AFAP1L2: variants seen among roughly 807,000 people sequenced by gnomAD.
AFAP1L2 encodes the protein actin filament associated protein 1 like 2.
AFAP1L2 carries 46 observed loss-of-function variants against 99.3 expected under a neutral mutation model. The ratio of observed to expected loss-of-function variants is 0.46; its 90% CI spans 0.37 to 0.59. The LOEUF is 0.59. Among genes scored for constraint, AFAP1L2 ranks in the 20% least tolerant of loss-of-function variants. AFAP1L2 has a pLI of 0.00. For synonymous variants in AFAP1L2, 397 were observed against 419.1 expected (o/e 0.95, Z 0.64); for missense variants, 959 against 1,034.9 (o/e 0.93, Z 1.01).
the AFAP1L2 span, chr10:114,285,891 T>A: frequency 6.6e-7 from 1 of 1,519,784 alleles, no homozygotes; most frequent in East Asian, 2.3e-5. Context: ...ACAGCTCGCA[T>A]GCCGCATGAC....
At position 114,295,016 on chromosome 10, in the gene AFAP1L2, TAAAAAA is replaced by T. The variant is rs10627231; in HGVS notation, c.*1020_*1025del. 5.7e-6 allele frequency: 5 copies of T among 884,454 alleles called. No homozygotes were observed. The highest frequency in any genetic ancestry group is 5.3e-5 in the South Asian group (1 of 18,958). 54.8% of individuals were successfully genotyped at this position (884,454 alleles called of 1,614,324 possible). A position where few individuals can be genotyped will look rare whatever the true frequency, so the allele number is the denominator to read the frequency against. ...ATAGATGAAATGTTTCAACCTGTGT[TAAAAAA>T]AAAAAAAAAAAAATGCCATCAGAGG... On this transcript the variant is annotated 3_prime_UTR_variant, in exon 19 of 19. Coordinates refer to ENST00000304129, the MANE Select transcript of AFAP1L2 (RefSeq NM_001001936.3).
intron 1 of AFAP1L2, chr10:114,393,613 G>A (rs1448027169): frequency 1.3e-5 from 2 of 152,212 alleles, no homozygotes; most frequent in African/African-American, 4.8e-5. Flanking sequence ...GGTGGAATGG[G>A]AGAGTGAGTC....
At position 114,300,606 on chromosome 10, in the gene AFAP1L2, C is replaced by A; in HGVS notation, c.1627G>T (p.Val543Phe). ...CTGGGGCCATGCAGAAAGGACTTGA[C>A]AGGTGTGAGGTCCAGGTACACTCGG... ...SDRVYLDLTP[V>F]KSFLHGPSSA... Residue 543 changes from valine to phenylalanine, a missense_variant, in exon 14 of 19, where the codon GTC becomes TTC. Coordinates refer to ENST00000304129, the MANE Select transcript of AFAP1L2 (RefSeq NM_001001936.3). The A allele has an allele frequency of 6.2e-7, 1 of 1,614,150 alleles. No homozygotes were observed. The highest frequency in any genetic ancestry group is 8.5e-7 in the Non-Finnish European group (1 of 1,180,014).
intron 4 of AFAP1L2, among the ~76,000 whole-genome samples, chr10:114,329,986 G>A (rs2046993890): frequency 6.6e-6 from 1 of 152,138 alleles, no homozygotes; most frequent in African/African-American, 2.4e-5. Context: ...TGGGGTTGAG[G>A]CTCAGGGTGT....
the AFAP1L2 span, among the ~76,000 whole-genome samples, chr10:114,287,183 G>A: frequency 4.6e-5 from 7 of 152,252 alleles, no homozygotes; most frequent in Middle Eastern, 3.4e-3. Flanking sequence ...GCTGAAACAC[G>A]TCTTTTTTTT....
intron 5 of AFAP1L2, among the ~76,000 whole-genome samples, chr10:114,317,148 T>C (rs1234472849): frequency 6.6e-6 from 1 of 152,224 alleles, no homozygotes; most frequent in African/African-American, 2.4e-5. Flanking sequence ...TTGTCGATTT[T>C]ACTAAGAAGC....
intron 2 of AFAP1L2, among the ~76,000 whole-genome samples, chr10:114,335,358 A>T (rs549805422): frequency 4.2e-4 from 64 of 152,158 alleles, no homozygotes; most frequent in Non-Finnish European, 8.4e-4. Flanking sequence ...CACATCTGTA[A>T]TCCCAGCACT....
chr10:114,300,204 C>A lies in AFAP1L2; in HGVS notation c.1947G>T (p.Val649=). The A allele has an allele frequency of 6.2e-7, 1 of 1,614,188 alleles. No homozygotes were observed. Among genetic ancestry groups the A allele is most frequent in the South Asian group, 1.1e-5 (1 of 91,060 alleles). ...ASPPVKDRLR[V]TSAEIKLGKN... ...CCCAAGCACAAGTACCTGCACTGGTCACGCGCAACCTGTCCTTCACAGGTG... is the reference window on the plus strand; with the variant it reads ...CCCAAGCACAAGTACCTGCACTGGTAACGCGCAACCTGTCCTTCACAGGTG... Residue 649 remains valine, a synonymous_variant, in exon 15 of 19, where the codon GTG becomes GTT. Coordinates refer to ENST00000304129, the MANE Select transcript of AFAP1L2 (RefSeq NM_001001936.3).
intron 1 of AFAP1L2, among the ~76,000 whole-genome samples, chr10:114,347,341 A>G (rs2049758097): frequency 6.6e-6 from 1 of 152,160 alleles, no homozygotes; most frequent in Admixed American, 6.6e-5. Context: ...TCCTCACACC[A>G]CCTAAGAAGG....
In AFAP1L2 at chr10:114,295,183, A is replaced by ATAAC. The variant is rs2040012255; in HGVS notation, c.*855_*858dup. ...TAAAATCAGAGACTATTTATATTAA[A>ATAAC]TAACTCTTCCCTTAAAAATGGCCTG... On this transcript the variant is annotated 3_prime_UTR_variant, in exon 19 of 19. Coordinates refer to ENST00000304129, the MANE Select transcript of AFAP1L2 (RefSeq NM_001001936.3). 1.0e-5 allele frequency: 10 copies of ATAAC among 985,800 alleles called. No individual in the cohort carries two copies. The South Asian group carries it at 2.3e-4, about 23-fold the overall frequency. The allele number at this position is 985,800 out of a possible 1,614,324, so 61.1% of individuals were successfully genotyped here. A position where few individuals can be genotyped will look rare whatever the true frequency, so the allele number is the denominator to read the frequency against.
intron 4 of AFAP1L2, among the ~76,000 whole-genome samples, chr10:114,328,270 C>T (rs1382368945): frequency 6.6e-6 from 1 of 152,056 alleles, no homozygotes; most frequent in Non-Finnish European, 1.5e-5. Flanking sequence ...GGCTCGTGGC[C>T]GATAAGCATC....
intron 1 of AFAP1L2, chr10:114,399,005 T>A (rs1450559357): frequency 9.9e-7 from 1 of 1,009,862 alleles, no homozygotes; most frequent in Non-Finnish European, 1.4e-6. Flanking sequence ...TTTTGCTTCA[T>A]TTCTTTTTGT....
In AFAP1L2 at chr10:114,301,437, T is replaced by G. The variant is rs2041169910; in HGVS notation, c.1459A>C (p.Asn487His). The G allele has an allele frequency of 1.9e-6, 3 of 1,614,042 alleles. No individual in the cohort carries two copies. In the South Asian group the frequency reaches 3.3e-5, roughly 18 times the overall value. The change falls in exon 13 of 19, where the codon AAC (asparagine) becomes CAC (histidine). Residue 487 changes from asparagine to histidine, a missense_variant. Transcript: ENST00000304129. The part of the protein sequence containing the change: ...LLMQRKFSEP[N>H]TYIDGLPSQD... Reference sequence around the variant, plus strand: ...CTAGGCAGGCCATCGATGTAAGTGTTGGGCTCTGAGAACTTTCTCTGCATC... The same window carrying G: ...CTAGGCAGGCCATCGATGTAAGTGTGGGGCTCTGAGAACTTTCTCTGCATC...
At chr10:114,371,047 C>T (rs2054022464) in intron 1 of AFAP1L2, among the ~76,000 whole-genome samples, 1 of 152,204 alleles carries the variant, frequency 6.6e-6, no homozygotes, top group Non-Finnish European at 1.5e-5. Context: ...TGCAGCAATA[C>T]TGTGAGTCCT....
At chr10:114,326,013 C>A in intron 4 of AFAP1L2, 1 of 1,226,778 alleles carries the variant, frequency 8.2e-7, no homozygotes, top group South Asian at 1.3e-5. Context: ...CTCTGGGCAC[C>A]CGAGATCTGG....
At chr10:114,327,160 TA>T (rs1319421046) in intron 4 of AFAP1L2, among the ~76,000 whole-genome samples, 1 of 81,140 alleles carries the variant, frequency 1.2e-5, no homozygotes, top group African/African-American at 3.2e-5. Context: ...TATATATATA[TA>T]TATATATATA....
In AFAP1L2 at chr10:114,401,359, G is replaced by A. The variant is rs142488149; in HGVS notation, c.16+3081C>T. 2.5e-3 allele frequency among the ~76,000 whole-genome samples: 387 copies of A among 152,274 alleles called. 3 individuals are homozygous for A. The highest frequency in any genetic ancestry group is 8.6e-3 in the African/African-American group (359 of 41,550). ...GGGAGAGCAGTCAGAACCAGAATGC[G>A]TGACCACACTGGGTGAGTTCAGCCA... On this transcript the variant is annotated intron_variant, in intron 1 of 18. Transcript: ENST00000304129.
At chr10:114,284,815 C>T in the AFAP1L2 span, 1 of 1,538,790 alleles carries the variant, frequency 6.5e-7, no homozygotes, top group Non-Finnish European at 8.8e-7. Context: ...GTCCTCTCCA[C>T]TCCTCTGTGC....
At chr10:114,323,093 A>AC in intron 5 of AFAP1L2, 78 bp downstream of exon 5, 3 of 1,308,880 alleles carry the variant, frequency 2.3e-6, no homozygotes, top group Non-Finnish European at 2.1e-6. Flanking sequence ...TGTATCTGTT[A>AC]CCCCCAGGTA....
Sources: gnomAD v4.1 joint callset for allele counts (sites outside exome capture counted in the v4.1 genomes callset) on GRCh38, gnomAD v4.1.1 for gene constraint, MANE v1.5 for transcripts, NCBI Gene and HGNC (gene_info 2026-07-23, HGNC 2026-07-21) for gene names.